DNAH5: variants seen among roughly 807,000 people sequenced by gnomAD.
DNAH5 encodes dynein axonemal heavy chain 5, also known as axonemal beta dynein heavy chain 5.
DNAH5 carries 372 observed loss-of-function variants against 518.2 expected under a neutral mutation model. The ratio of observed to expected loss-of-function variants is 0.72; its 90% CI spans 0.66 to 0.78. The LOEUF is 0.78. Ranked by LOEUF, DNAH5 falls within the 30% of genes least tolerant of loss-of-function variation. DNAH5 has a pLI of 0.00. For synonymous variants in DNAH5, 2,039 were observed against 2,025.9 expected, an observed-to-expected ratio of 1.01 and a Z score of -0.17; for missense variants, 5,523 against 5,687.0, an observed-to-expected ratio of 0.97 and a Z score of 0.93.
At chr5:13,957,821 T>G (rs1581040885) in intron 1 of DNAH5, among the ~76,000 whole-genome samples, 1 of 151,508 alleles carries the variant, frequency 6.6e-6, no homozygotes, top group East Asian at 1.9e-4. Flanking sequence ...TTTTTAAATA[T>G]ACTTTATTAT....
chr5:13,970,614 T>C (rs76207061), intron 1 of DNAH5, among the ~76,000 whole-genome samples: 14,241 of 152,240 alleles, frequency 0.094, 871 homozygotes, highest in Admixed American at 0.13. Flanking sequence ...AACAACAGGA[T>C]CCAATCCCTT....
intron 68 of DNAH5, among the ~76,000 whole-genome samples, chr5:13,731,184 A>G (rs1746495171): frequency 6.6e-6 from 1 of 152,230 alleles, no homozygotes; most frequent in South Asian, 2.1e-4. Flanking sequence ...ATCAAAATAT[A>G]TTTACAATGA....
intron 49 of DNAH5, 146 bp from the exon 50 acceptor site, chr5:13,792,363 TC>T: frequency 3.0e-6 from 2 of 671,072 alleles, no homozygotes; most frequent in Non-Finnish European, 5.1e-6. Context: ...GTTAATGTTC[TC>T]TTGTTTTTTC....
Position 13,752,177 on chromosome 5 carries a change from T to C in DNAH5, c.10985A>G (p.Asn3662Ser), listed in dbSNP as rs1483392439. ...TTTAATGAAGTTTCTTTCCAAAACA[T>C]TATCTAGTGCTGGATCTAGTTCCTC... Reference protein sequence around the residue: ...VGEELDPALDNVLERNFIKTG... With the variant: ...VGEELDPALDSVLERNFIKTG... The change falls in exon 64 of 79, where the codon AAT becomes AGT. Residue 3662 changes from asparagine (N) to serine (S), a missense_variant. By Grantham distance (46) the Asn-to-Ser change is conservative. Coordinates refer to ENST00000265104, the MANE Select transcript of DNAH5 (RefSeq NM_001369.3). 6.2e-7 allele frequency: 1 copy of C among 1,614,030 alleles called. No individual in the cohort carries two copies. Among genetic ancestry groups the C allele is most frequent in the South Asian group, 1.1e-5 (1 of 91,080 alleles).
chr5:13,752,687 G>A (rs1338276404), intron 63 of DNAH5, among the ~76,000 whole-genome samples: 3 of 152,232 alleles, frequency 2.0e-5, no homozygotes, highest in Admixed American at 6.5e-5. Flanking sequence ...GAAACACTTC[G>A]GATCCCAAGT....
At chr5:13,870,710 C>T (rs1489508085) in intron 24 of DNAH5, 57 bp downstream of exon 24, 14 of 1,450,252 alleles carry the variant, frequency 9.7e-6, no homozygotes, top group Non-Finnish European at 1.3e-5. Flanking sequence ...AATATTTCAG[C>T]TAATAGCATC....
chr5:13,901,177 A>T (rs1774550373), intron 14 of DNAH5, 75 bp downstream of exon 14: 1 of 1,510,714 alleles, frequency 6.6e-7, no homozygotes, highest in African/African-American at 1.4e-5. Flanking sequence ...TTTCTAAAGA[A>T]ATAACACTGT....
At chr5:13,851,336 C>G (rs1405255285) in intron 30 of DNAH5, among the ~76,000 whole-genome samples, 2 of 152,142 alleles carry the variant, frequency 1.3e-5, no homozygotes, top group Non-Finnish European at 2.9e-5. Context: ...TAAGACAGGT[C>G]TCACTCTGTT....
intron 32 of DNAH5, among the ~76,000 whole-genome samples, chr5:13,842,979 C>T (rs1013324917): frequency 6.6e-6 from 1 of 152,170 alleles, no homozygotes; most frequent in African/African-American, 2.4e-5. Flanking sequence ...TTCCATACAA[C>T]TTGAGACAGT....
chr5:13,802,990 A>C (rs762572984), intron 47 of DNAH5, among the ~76,000 whole-genome samples: 1 of 105,334 alleles, frequency 9.5e-6, no homozygotes, highest in Non-Finnish European at 2.2e-5. Context: ...ATATATATGA[A>C]AGCAATTCAT....
chr5:13,917,298 T>C lies in DNAH5; in HGVS notation c.976-42A>G, dbSNP rs745712430. 1.7e-5 allele frequency: 24 copies of C among 1,443,256 alleles called. No individual in the cohort carries two copies. The Admixed American group carries it at 3.7e-4, about 22-fold the overall frequency. 89.4% of individuals were successfully genotyped at this position (1,443,256 alleles called of 1,614,324 possible). A position where few individuals can be genotyped will look rare whatever the true frequency, so the allele number is the denominator to read the frequency against. On this transcript the variant is annotated intron_variant, in intron 7 of 78. Transcript: ENST00000265104. ...AAAGCAATTTTAATGTAATTATTAA[T>C]AGAGGAACTTCCAACACAACCACTG...
At chr5:13,719,242 A>G in intron 71 of DNAH5, 141 bp from the exon 72 acceptor site, 1 of 765,390 alleles carries the variant, frequency 1.3e-6, no homozygotes, top group Non-Finnish European at 2.2e-6. Flanking sequence ...AAATCTAAGA[A>G]AACAAAAATG....
chr5:13,829,920 C>T, intron 37 of DNAH5, 106 bp downstream of exon 37: 1 of 496,116 alleles, frequency 2.0e-6, no homozygotes, highest in Non-Finnish European at 2.9e-6. Flanking sequence ...GGTAAAGTTA[C>T]AATCCCAATT....
Position 13,868,006 on chromosome 5 carries a change from G to C in DNAH5, c.3835-14C>G. 1 of 1,606,064 alleles carries C rather than the reference G, an allele frequency of 6.2e-7. No homozygotes were observed. The highest frequency in any genetic ancestry group is 8.5e-7 in the Non-Finnish European group (1 of 1,173,580). On this transcript the variant is annotated splice_polypyrimidine_tract_variant and intron_variant, in intron 24 of 78. Coordinates refer to ENST00000265104, the MANE Select transcript of DNAH5 (RefSeq NM_001369.3). Reference sequence around the variant, plus strand: ...GGCATAAGATTCCTAAAAAAAAATAGGAAAAACTTAATTTTGGCCAGTCAG... The same window carrying C: ...GGCATAAGATTCCTAAAAAAAAATACGAAAAACTTAATTTTGGCCAGTCAG...
intron 1 of DNAH5, among the ~76,000 whole-genome samples, chr5:13,970,751 C>T (rs150539857): frequency 9.7e-4 from 147 of 152,224 alleles, no homozygotes; most frequent in Non-Finnish European, 1.6e-3. Flanking sequence ...GATAACCTGA[C>T]GACTATGTGC....
intron 74 of DNAH5, 117 bp downstream of exon 74, chr5:13,716,370 T>C (rs1422218342): frequency 1.3e-6 from 1 of 743,140 alleles, no homozygotes. Context: ...GCAAAAGCAT[T>C]AGTATATATC....
At chr5:13,766,462 A>T (rs1336762512) in intron 58 of DNAH5, among the ~76,000 whole-genome samples, 1 of 152,258 alleles carries the variant, frequency 6.6e-6, no homozygotes, top group Non-Finnish European at 1.5e-5. Context: ...GCCAGAAAAA[A>T]GAAAGGCATA....
intron 1 of DNAH5, 139 bp downstream of exon 1, chr5:13,944,242 GA>G: frequency 1.2e-6 from 1 of 842,234 alleles, no homozygotes; most frequent in Non-Finnish European, 2.0e-6. Context: ...TGCACCAGGT[GA>G]ACATTAGTTA....
At chr5:13,724,241 G>T (rs1219498513) in intron 70 of DNAH5, among the ~76,000 whole-genome samples, 1 of 152,234 alleles carries the variant, frequency 6.6e-6, no homozygotes, top group Non-Finnish European at 1.5e-5. Flanking sequence ...TGCCTTGGAT[G>T]CAGGACACGG....
Sources: gnomAD v4.1 joint callset for allele counts (sites outside exome capture counted in the v4.1 genomes callset) on GRCh38, gnomAD v4.1.1 for gene constraint, MANE v1.5 for transcripts, NCBI Gene and HGNC (gene_info 2026-07-23, HGNC 2026-07-21) for gene names.